CDH13: variants seen among roughly 807,000 people sequenced by gnomAD.
CDH13 encodes cadherin 13, also known as cadherin-13.
Under a neutral mutation model 63.8 loss-of-function variants are expected in CDH13, and 24 were observed. The ratio of observed to expected loss-of-function variants is 0.38; its 90% CI spans 0.27 to 0.53. CDH13 has a LOEUF of 0.53. Among genes scored for constraint, CDH13 ranks in the 20% least tolerant of loss-of-function variants. The pLI, the probability that CDH13 is intolerant of heterozygous loss-of-function variation, is 0.85. For missense variants in CDH13, 1,049 were observed against 903.1 expected, an observed-to-expected ratio of 1.16 and a Z score of -2.07; for synonymous variants, 503 against 355.3, an observed-to-expected ratio of 1.42 and a Z score of -4.67.
At chr16:83,065,971 C>T (rs1319632522) in intron 3 of CDH13, among the ~76,000 whole-genome samples, 1 of 152,134 alleles carries the variant, frequency 6.6e-6, no homozygotes, top group Non-Finnish European at 1.5e-5. Flanking sequence ...GGATGCAGTC[C>T]AGGTATAAAA....
intron 6 of CDH13, among the ~76,000 whole-genome samples, chr16:83,380,117 C>T (rs966946942): frequency 2.6e-5 from 4 of 151,736 alleles, no homozygotes; most frequent in South Asian, 4.2e-4. Context: ...GGTATTCTTG[C>T]GTGAGGATGA....
chr16:82,931,299 T>G (rs1013425794), intron 2 of CDH13, among the ~76,000 whole-genome samples: 1 of 152,202 alleles, frequency 6.6e-6, no homozygotes, highest in East Asian at 1.9e-4. Flanking sequence ...GCGTGTCTGA[T>G]AACAAACAAA....
intron 11 of CDH13, among the ~76,000 whole-genome samples, chr16:83,767,396 C>T (rs1209541423): frequency 6.6e-6 from 1 of 152,128 alleles, no homozygotes; most frequent in Non-Finnish European, 1.5e-5. Flanking sequence ...CGGGAGTTCT[C>T]CTGCATGAGC....
intron 11 of CDH13, among the ~76,000 whole-genome samples, chr16:83,767,305 T>A (rs62047501): frequency 0.038 from 5,842 of 152,062 alleles, 142 homozygotes; most frequent in Admixed American, 0.054. Flanking sequence ...CCATCTAGAG[T>A]AATGGAATCA....
intron 2 of CDH13, among the ~76,000 whole-genome samples, chr16:82,862,685 C>A (rs528633044): frequency 1.3e-4 from 20 of 152,328 alleles, no homozygotes; most frequent in African/African-American, 4.3e-4. Context: ...CAACTTGCAT[C>A]ACATGTTTAG....
intron 1 of CDH13, among the ~76,000 whole-genome samples, chr16:82,812,238 G>A (rs1419555237): frequency 6.6e-6 from 1 of 152,148 alleles, no homozygotes; most frequent in Non-Finnish European, 1.5e-5. Flanking sequence ...TAGCTGCATG[G>A]CTATCTTGCT....
chr16:83,580,172 A>G (rs9928829), intron 7 of CDH13, among the ~76,000 whole-genome samples: 10,260 of 152,134 alleles, frequency 0.067, 719 homozygotes, highest in African/African-American at 0.18. Context: ...GGAGTCATGC[A>G]AGGTTGTAGA....
At chr16:82,810,888 G>C (rs1426152481) in intron 1 of CDH13, among the ~76,000 whole-genome samples, 1 of 152,054 alleles carries the variant, frequency 6.6e-6, no homozygotes, top group Non-Finnish European at 1.5e-5. Flanking sequence ...GGGGAAATGG[G>C]GGGAGGTATC....
chr16:83,464,521 A>T (rs1302891553), intron 6 of CDH13, among the ~76,000 whole-genome samples: 2 of 152,094 alleles, frequency 1.3e-5, no homozygotes, highest in Admixed American at 6.5e-5. Flanking sequence ...TCAAATAAAT[A>T]AATAAATTTT....
At chr16:83,464,389 G>C (rs1361017020) in intron 6 of CDH13, among the ~76,000 whole-genome samples, 2 of 152,162 alleles carry the variant, frequency 1.3e-5, no homozygotes, top group Non-Finnish European at 1.5e-5. Flanking sequence ...GCACATCCCT[G>C]TAATCCCAGC....
intron 1 of CDH13, among the ~76,000 whole-genome samples, chr16:82,791,465 G>C (rs112286300): frequency 0.042 from 6,347 of 152,274 alleles, 452 homozygotes; most frequent in African/African-American, 0.14. Flanking sequence ...CCAGGCATTC[G>C]AGCAGGGTGT....
Position 83,373,983 on chromosome 16 carries a change from G to A in CDH13, c.781+28977G>A, listed in dbSNP as rs555038753. ...AACCACCACCTTCTGATCTCCAAAC[G>A]CAACAGGAAGTCGAAGGTCTTTCTC... On this transcript the variant is annotated intron_variant, in intron 6 of 13. Transcript: ENST00000567109. 5.9e-5 allele frequency among the ~76,000 whole-genome samples: 9 copies of A among 152,274 alleles called. No homozygotes were observed. The East Asian group carries it at 1.4e-3, about 23-fold the overall frequency.
At chr16:82,972,088 C>G (rs531122609) in intron 2 of CDH13, among the ~76,000 whole-genome samples, 1 of 152,206 alleles carries the variant, frequency 6.6e-6, no homozygotes, top group Admixed American at 6.5e-5. Flanking sequence ...GAGAGTCTAC[C>G]CAAGTGAAGC....
At chr16:82,679,970 G>A (rs1914365784) in intron 1 of CDH13, among the ~76,000 whole-genome samples, 1 of 152,202 alleles carries the variant, frequency 6.6e-6, no homozygotes, top group African/African-American at 2.4e-5. Context: ...TGACGGTGGT[G>A]AAGAAGGACA....
chr16:83,217,269 C>A, intron 4 of CDH13, 76 bp from the exon 5 acceptor site: 3 of 1,471,262 alleles, frequency 2.0e-6, no homozygotes, highest in Non-Finnish European at 2.8e-6. Flanking sequence ...GTGAATTGCT[C>A]ATGGGAGTAT....
At chr16:83,635,260 C>A (rs1019020726) in intron 8 of CDH13, among the ~76,000 whole-genome samples, 1 of 147,298 alleles carries the variant, frequency 6.8e-6, no homozygotes, top group Admixed American at 6.8e-5. Context: ...CTAACTATGT[C>A]TTTTGCCTAT....
chr16:83,632,204 C>G (rs1910836813), intron 8 of CDH13, among the ~76,000 whole-genome samples: 1 of 151,324 alleles, frequency 6.6e-6, no homozygotes, highest in African/African-American at 2.4e-5. Flanking sequence ...GTTTTTATTT[C>G]CCTGAATCCC....
At chr16:83,376,751 A>G (rs188661443) in intron 6 of CDH13, among the ~76,000 whole-genome samples, 1 of 152,290 alleles carries the variant, frequency 6.6e-6, no homozygotes, top group Admixed American at 6.5e-5. Flanking sequence ...GAAATCTTTG[A>G]GCATCTTGTC....
chr16:83,092,540 A>G (rs1335157259), intron 3 of CDH13, among the ~76,000 whole-genome samples: 1 of 152,182 alleles, frequency 6.6e-6, no homozygotes, highest in Non-Finnish European at 1.5e-5. Flanking sequence ...AAATATTGCA[A>G]ATCAATAGAA....
Sources: allele counts gnomAD v4.1 joint callset (sites outside exome capture counted in the v4.1 genomes callset), GRCh38; gene constraint gnomAD v4.1.1; transcripts MANE v1.5; gene names NCBI Gene and HGNC (gene_info 2026-07-23, HGNC 2026-07-21).